The following GALK2 variants were observed in gnomAD, a reference collection of about 807,000 sequenced individuals.
GALK2 encodes N-acetylgalactosamine kinase.
In GALK2, 36 loss-of-function variants were observed where a neutral mutation model predicts 52.4. The observed-to-expected ratio is 0.69, with a 90% CI of 0.53 to 0.91. The LOEUF (loss-of-function observed/expected upper bound fraction) is 0.91. Among genes scored for constraint, GALK2 ranks in the 40% least tolerant of loss-of-function variants. The pLI is 0.00. For synonymous variants in GALK2, 176 were observed against 199.1 expected, an observed-to-expected ratio of 0.88 and a Z score of 0.98; for missense variants, 579 against 559.1, an observed-to-expected ratio of 1.04 and a Z score of -0.36.
At chr15:49,291,156 ATT>A (rs201204888) in intron 7 of GALK2, among the ~76,000 whole-genome samples, 1 of 139,910 alleles carries the variant, frequency 7.1e-6, no homozygotes, top group Non-Finnish European at 1.6e-5. Flanking sequence ...AGGTTTCGCC[ATT>A]TTTTTTTTTT....
intron 3 of GALK2, among the ~76,000 whole-genome samples, chr15:49,361,681 A>G (rs150772130): frequency 6.6e-6 from 1 of 152,146 alleles, no homozygotes; most frequent in Non-Finnish European, 1.5e-5. Context: ...TATCTTTACT[A>G]TTGTGAATAG....
At chr15:49,354,297 C>A (rs903498951) in intron 3 of GALK2, among the ~76,000 whole-genome samples, 2 of 152,200 alleles carry the variant, frequency 1.3e-5, no homozygotes, top group African/African-American at 4.8e-5. Context: ...GTGAGCGACG[C>A]AGAAGACGGG....
At chr15:49,350,633 T>TCAGA (rs1318636957) in intron 3 of GALK2, among the ~76,000 whole-genome samples, 1 of 152,132 alleles carries the variant, frequency 6.6e-6, no homozygotes, top group Non-Finnish European at 1.5e-5. Context: ...AACAACAGAT[T>TCAGA]CAGAACCCCT....
At chr15:49,255,651 TAGGTAG>T in intron 5 of GALK2, among the ~76,000 whole-genome samples, 1 of 151,924 alleles carries the variant, frequency 6.6e-6, no homozygotes, top group Non-Finnish European at 1.5e-5. Flanking sequence ...TACACAGAGA[TAGGTAG>T]AGATCTGCTG....
chr15:49,298,552 T>C (rs969681615), intron 8 of GALK2, among the ~76,000 whole-genome samples: 18 of 152,128 alleles, frequency 1.2e-4, no homozygotes, highest in Non-Finnish European at 2.6e-4. Context: ...GTGGGTTTGT[T>C]ATAGATGGCT....
rs79938837 is a variant in GALK2, at chr15:49,202,411, A to G, written c.142+1161A>G. On this transcript the variant is annotated intron_variant, in intron 2 of 9. Coordinates refer to ENST00000560031, the MANE Select transcript of GALK2 (RefSeq NM_002044.4). ...TTAATTTATCCTCTATTTTTATGAG[A>G]TCAACTCTTTTAGCCTCCATATATG... Among the ~76,000 whole-genome samples the G allele has an allele frequency of 3.2e-4, 49 of 152,258 alleles. 2 individuals are homozygous for G. In the East Asian group the frequency reaches 9.5e-3, roughly 29 times the overall value.
chr15:49,246,915 A>T (rs1030272706), intron 5 of GALK2, among the ~76,000 whole-genome samples: 1 of 152,238 alleles, frequency 6.6e-6, no homozygotes, highest in African/African-American at 2.4e-5. Context: ...ACTGTGAATA[A>T]AACCAGTGAA....
At position 49,331,492 on chromosome 15, in the gene GALK2, A is replaced by T; in HGVS notation, c.*3333A>T. ...TATTAATGAAAAACTTACAATTTTA[A>T]ACATCAGTGATTATTAGTTTGTAAT... On this transcript the variant is annotated 3_prime_UTR_variant, in exon 10 of 10. Coordinates refer to ENST00000560031, the MANE Select transcript of GALK2 (RefSeq NM_002044.4). 3.1e-6 allele frequency: 1 copy of T among 326,636 alleles called. No individual in the cohort carries two copies. The highest frequency in any genetic ancestry group is 5.6e-6 in the Non-Finnish European group (1 of 178,566). 20.2% of individuals were successfully genotyped at this position (326,636 alleles called of 1,614,324 possible).
chr15:49,270,729 G>A (rs7166491), intron 5 of GALK2, among the ~76,000 whole-genome samples: 10,011 of 152,158 alleles, frequency 0.066, 441 homozygotes, highest in East Asian at 0.16. Flanking sequence ...TGGTTGACTC[G>A]GATTATGATT....
At chr15:49,285,026 G>A (rs1275245453) in intron 7 of GALK2, among the ~76,000 whole-genome samples, 2 of 152,018 alleles carry the variant, frequency 1.3e-5, no homozygotes, top group African/African-American at 4.8e-5. Flanking sequence ...TCTCTTCACA[G>A]CTAAACTTCT....
chr15:49,332,270 C>T (rs1405378515), downstream of GALK2, among the ~76,000 whole-genome samples: 1 of 152,184 alleles, frequency 6.6e-6, no homozygotes, highest in East Asian at 1.9e-4. Context: ...TAACTGATTC[C>T]ACTCATAAGG....
intron 8 of GALK2, among the ~76,000 whole-genome samples, chr15:49,312,187 T>C (rs2036048609): frequency 6.6e-6 from 1 of 152,184 alleles, no homozygotes; most frequent in Non-Finnish European, 1.5e-5. Flanking sequence ...CTCTTGCCCT[T>C]TGTTGATCTC....
chr15:49,285,358 C>T (rs1183645599), intron 7 of GALK2, among the ~76,000 whole-genome samples: 1 of 152,114 alleles, frequency 6.6e-6, no homozygotes, highest in African/African-American at 2.4e-5. Flanking sequence ...TAGCCATTCC[C>T]TCCACCGACC....
chr15:49,284,397 T>C (rs1483872513), intron 7 of GALK2, among the ~76,000 whole-genome samples: 2 of 152,174 alleles, frequency 1.3e-5, no homozygotes, highest in Non-Finnish European at 2.9e-5. Context: ...ATGGTTAATA[T>C]GTGATCAGAT....
chr15:49,212,082 C>T (rs924461931), intron 2 of GALK2, among the ~76,000 whole-genome samples: 1 of 151,896 alleles, frequency 6.6e-6, no homozygotes, highest in Non-Finnish European at 1.5e-5. Context: ...TTTGAATCTT[C>T]TTTATTTTTT....
At position 49,245,934 on chromosome 15, in the gene GALK2, C is replaced by T. The variant is rs187636645; in HGVS notation, c.504+6567C>T. ...AAGCAGTTACTTTATATAGTGATACCGGTATGTCTTCTGTATTGACACCTG... is the reference window on the plus strand; with the variant it reads ...AAGCAGTTACTTTATATAGTGATACTGGTATGTCTTCTGTATTGACACCTG... On this transcript the variant is annotated intron_variant, in intron 5 of 9. Coordinates refer to ENST00000560031, the MANE Select transcript of GALK2 (RefSeq NM_002044.4). Among the ~76,000 whole-genome samples, 11 of 152,144 alleles carry T rather than the reference C, an allele frequency of 7.2e-5. No individual in the cohort carries two copies. The East Asian group carries it at 7.7e-4, about 11-fold the overall frequency.
At chr15:49,191,740 C>G (rs1474974076) in intron 1 of GALK2, among the ~76,000 whole-genome samples, 1 of 152,054 alleles carries the variant, frequency 6.6e-6, no homozygotes, top group East Asian at 1.9e-4. Flanking sequence ...TGGTGAAAAA[C>G]TTTGAGAATA....
intron 5 of GALK2, among the ~76,000 whole-genome samples, chr15:49,249,976 G>T (rs1343817172): frequency 6.6e-6 from 1 of 152,100 alleles, no homozygotes; most frequent in Non-Finnish European, 1.5e-5. Context: ...CTAGCCAATT[G>T]GGACAAATAC....
intron 5 of GALK2, 136 bp from the exon 6 acceptor site, chr15:49,281,851 A>G: frequency 1.7e-6 from 1 of 583,016 alleles, no homozygotes; most frequent in East Asian, 2.9e-5. Flanking sequence ...TTTTTAATGC[A>G]GTGCTCCAGG....
Sources: gnomAD v4.1 joint callset for allele counts (sites outside exome capture counted in the v4.1 genomes callset) on GRCh38, gnomAD v4.1.1 for gene constraint, MANE v1.5 for transcripts, NCBI Gene and HGNC (gene_info 2026-07-23, HGNC 2026-07-21) for gene names.